Variants in STK32B observed in about 807,000 individuals in gnomAD.
The protein encoded by STK32B is serine/threonine kinase 32B.
STK32B carries 43 observed loss-of-function variants against 52.6 expected under a neutral mutation model. The ratio of observed to expected loss-of-function variants is 0.82; its 90% CI spans 0.64 to 1.05. The LOEUF is 1.05. Ranked by LOEUF, STK32B falls within the 50% of genes least tolerant of loss-of-function variation. STK32B has a pLI of 0.00. For synonymous variants in STK32B, 238 were observed against 204.3 expected (o/e 1.17, Z -1.41); for missense variants, 621 against 534.6 (o/e 1.16, Z -1.59).
At chr4:5,335,992 G>C (rs980020235) in intron 4 of STK32B, among the ~76,000 whole-genome samples, 2 of 151,374 alleles carry the variant, frequency 1.3e-5, no homozygotes, top group Non-Finnish European at 2.9e-5. Context: ...GCAGAGCCAG[G>C]TGGTTGCCCC....
chr4:5,279,019 T>TGGG (rs1446174018), intron 3 of STK32B, among the ~76,000 whole-genome samples: 2 of 152,140 alleles, frequency 1.3e-5, no homozygotes, highest in Non-Finnish European at 2.9e-5. Context: ...GAGATTTGGG[T>TGGG]GGGGACACAG....
the STK32B span, among the ~76,000 whole-genome samples, chr4:5,040,325 A>G: frequency 6.6e-6 from 1 of 152,124 alleles, no homozygotes; most frequent in Non-Finnish European, 1.5e-5. Flanking sequence ...CAGATGGGGA[A>G]AATGAGGCCT....
At chr4:5,151,547 C>T (rs1717365886) in intron 2 of STK32B, among the ~76,000 whole-genome samples, 1 of 152,200 alleles carries the variant, frequency 6.6e-6, no homozygotes. Flanking sequence ...AGAAGTTGTG[C>T]CTCCTAGTGT....
At chr4:5,312,137 A>AT (rs947090064) in intron 3 of STK32B, among the ~76,000 whole-genome samples, 1 of 151,506 alleles carries the variant, frequency 6.6e-6, no homozygotes, top group African/African-American at 2.4e-5. Context: ...ATTGTATACA[A>AT]TTTTTTTCTT....
Position 5,317,292 on chromosome 4 carries a change from T to TA in STK32B, c.261-13927dup, listed in dbSNP as rs1560313681. Among the ~76,000 whole-genome samples the TA allele has an allele frequency of 8.5e-5, 4 of 46,866 alleles. 1 individual carries two copies. The highest frequency in any genetic ancestry group is 5.8e-4 in the African/African-American group (3 of 5,138). 30.7% of individuals were successfully genotyped at this position (46,866 alleles called of 152,430 possible). On this transcript the variant is annotated intron_variant, in intron 3 of 11. Transcript: ENST00000282908. ...TATAATATATAACATATAACATATA[T>TA]ATAATATATAATATATAACATATGT...
rs1352371910 is a variant in STK32B at position 5,317,344 on chromosome 4, T to C, written c.261-13876T>C. Among the ~76,000 whole-genome samples the C allele has an allele frequency of 7.8e-4, 34 of 43,516 alleles. 4 individuals are homozygous for C. Among genetic ancestry groups the C allele is most frequent in the Non-Finnish European group, 1.1e-3 (32 of 28,978 alleles). The allele number at this position is 43,516 out of a possible 152,430, so 28.5% of individuals were successfully genotyped here. On this transcript the variant is annotated intron_variant, in intron 3 of 11. Coordinates refer to ENST00000282908, the MANE Select transcript of STK32B (RefSeq NM_018401.3). ...TAATATATATTACATATATAATACA[T>C]ATATATAATATATATAATGTATATG...
At chr4:5,305,054 G>A (rs1000594758) in intron 3 of STK32B, among the ~76,000 whole-genome samples, 1 of 146,282 alleles carries the variant, frequency 6.8e-6, no homozygotes, top group East Asian at 1.9e-4. Flanking sequence ...GATCATGGTG[G>A]ATTATTTTTT....
intron 3 of STK32B, among the ~76,000 whole-genome samples, chr4:5,326,722 G>T (rs550216651): frequency 3.1e-4 from 47 of 152,294 alleles, no homozygotes; most frequent in African/African-American, 1.0e-3. Context: ...CAGGTGGAGG[G>T]TCTTTCCTCA....
chr4:5,204,670 A>T (rs552512044), intron 3 of STK32B, among the ~76,000 whole-genome samples: 1 of 152,158 alleles, frequency 6.6e-6, no homozygotes, highest in South Asian at 2.1e-4. Context: ...GGGTTTCACC[A>T]TATTGGCCAG....
intron 4 of STK32B, among the ~76,000 whole-genome samples, chr4:5,335,651 T>C (rs1002123411): frequency 4.6e-5 from 7 of 152,150 alleles, no homozygotes; most frequent in Admixed American, 3.3e-4. Flanking sequence ...CTGCTTTGAA[T>C]GTGTCCCAGA....
At chr4:5,184,096 C>T (rs1402951980) in intron 3 of STK32B, among the ~76,000 whole-genome samples, 1 of 152,218 alleles carries the variant, frequency 6.6e-6, no homozygotes, top group African/African-American at 2.4e-5. Flanking sequence ...ACTTGGCTAA[C>T]TGCTCGGCAA....
intron 3 of STK32B, among the ~76,000 whole-genome samples, chr4:5,250,587 A>T (rs1197592498): frequency 6.6e-6 from 1 of 152,168 alleles, no homozygotes; most frequent in Non-Finnish European, 1.5e-5. Flanking sequence ...TGCTAGGATT[A>T]CAGGCGTGAG....
chr4:5,240,295 T>C (rs1724933370), intron 3 of STK32B, among the ~76,000 whole-genome samples: 1 of 152,192 alleles, frequency 6.6e-6, no homozygotes, highest in Admixed American at 6.5e-5. Context: ...ATCTTTTTTT[T>C]TCTGCTTTTT....
At chr4:5,110,633 T>C (rs1211295586) in intron 1 of STK32B, among the ~76,000 whole-genome samples, 1 of 152,104 alleles carries the variant, frequency 6.6e-6, no homozygotes, top group African/African-American at 2.4e-5. Context: ...GACCTAAATG[T>C]AAGACCTGAA....
chr4:5,420,235 A>G (rs571073044), intron 6 of STK32B, among the ~76,000 whole-genome samples: 1 of 152,294 alleles, frequency 6.6e-6, no homozygotes, highest in East Asian at 1.9e-4. Flanking sequence ...CCTTTTTAGC[A>G]AAAATACCAG....
chr4:5,373,265 G>C (rs1032429956), intron 4 of STK32B, among the ~76,000 whole-genome samples: 1 of 152,078 alleles, frequency 6.6e-6, no homozygotes, highest in African/African-American at 2.4e-5. Flanking sequence ...TGAGGAATTG[G>C]CTCAGATGAC....
intron 3 of STK32B, among the ~76,000 whole-genome samples, chr4:5,280,420 CTT>C (rs1253130740): frequency 6.6e-6 from 1 of 152,186 alleles, no homozygotes; most frequent in Non-Finnish European, 1.5e-5. Flanking sequence ...AAGTTCCAAA[CTT>C]TCCCTCATCT....
intron 4 of STK32B, among the ~76,000 whole-genome samples, chr4:5,375,740 A>C (rs1036207522): frequency 6.6e-6 from 1 of 152,108 alleles, no homozygotes; most frequent in African/African-American, 2.4e-5. Context: ...TTTTCCTCAA[A>C]TGTCTACTGA....
intron 3 of STK32B, among the ~76,000 whole-genome samples, chr4:5,172,891 T>C (rs1719503877): frequency 6.6e-6 from 1 of 152,278 alleles, no homozygotes; most frequent in Middle Eastern, 3.4e-3. Flanking sequence ...ATGGTACCAG[T>C]TCCTCCTTGT....
Sources: gnomAD v4.1 joint callset for allele counts (sites outside exome capture counted in the v4.1 genomes callset) on GRCh38, gnomAD v4.1.1 for gene constraint, MANE v1.5 for transcripts, NCBI Gene and HGNC (gene_info 2026-07-23, HGNC 2026-07-21) for gene names.